Variants in CNBD1 observed in about 807,000 individuals in gnomAD.
The protein encoded by CNBD1 is cyclic nucleotide-binding domain-containing protein 1.
Under a neutral mutation model 54.4 loss-of-function variants are expected in CNBD1, and 71 were observed. The ratio of observed to expected loss-of-function variants is 1.30; its 90% CI spans 1.08 to 1.59. The LOEUF (loss-of-function observed/expected upper bound fraction) is 1.59, where lower values mean the gene tolerates loss of function less well. Among genes scored for constraint, CNBD1 ranks in the 40% most tolerant of loss-of-function variants. CNBD1 has a pLI of 0.00. For missense variants in CNBD1, 659 were observed against 518.0 expected (o/e 1.27, Z -2.64); for synonymous variants, 182 against 170.7 (o/e 1.07, Z -0.51).
chr8:86,894,155 G>A (rs1808815306), intron 2 of CNBD1, among the ~76,000 whole-genome samples: 1 of 131,686 alleles, frequency 7.6e-6, no homozygotes, highest in Admixed American at 9.1e-5. Flanking sequence ...TCCGCTTCCC[G>A]GGTTCACGCC....
intron 2 of CNBD1, among the ~76,000 whole-genome samples, chr8:87,399,546 G>A (rs1807509510): frequency 6.6e-6 from 1 of 151,952 alleles, no homozygotes; most frequent in Admixed American, 6.6e-5. Flanking sequence ...AGTTATCCTG[G>A]ATAATTTATG....
chr8:87,103,936 C>T (rs933932452), intron 4 of CNBD1, among the ~76,000 whole-genome samples: 5 of 152,212 alleles, frequency 3.3e-5, no homozygotes, highest in African/African-American at 1.2e-4. Context: ...ATACAAGAGT[C>T]AAGGGAAATG....
At chr8:87,423,830 G>A (rs1369027217) in intron 2 of CNBD1, among the ~76,000 whole-genome samples, 2 of 152,068 alleles carry the variant, frequency 1.3e-5, no homozygotes, top group East Asian at 1.9e-4. Flanking sequence ...TCTATTGATT[G>A]GAATAATTTC....
chr8:87,298,646 G>A (rs1294775737), intron 8 of CNBD1, among the ~76,000 whole-genome samples: 1 of 151,780 alleles, frequency 6.6e-6, no homozygotes, highest in Non-Finnish European at 1.5e-5. Flanking sequence ...CATGAAGCCT[G>A]GCTAATTTTT....
At chr8:87,213,507 G>T (rs767101968) in intron 5 of CNBD1, among the ~76,000 whole-genome samples, 1 of 152,164 alleles carries the variant, frequency 6.6e-6, no homozygotes, top group African/African-American at 2.4e-5. Context: ...AGACCCAAGT[G>T]AAAGGAGAAA....
intron 10 of CNBD1, among the ~76,000 whole-genome samples, chr8:87,380,420 C>A (rs1033910739): frequency 6.6e-6 from 1 of 151,904 alleles, no homozygotes; most frequent in East Asian, 1.9e-4. Context: ...ATTACTGTAG[C>A]TTTGTAAGGT....
chr8:87,302,726 T>A (rs2130883673), intron 8 of CNBD1, among the ~76,000 whole-genome samples: 1 of 152,022 alleles, frequency 6.6e-6, no homozygotes, highest in East Asian at 1.9e-4. Flanking sequence ...TGATTGTATA[T>A]TTAGAAAACC....
At chr8:87,377,302 C>A (rs1427448280) in intron 10 of CNBD1, among the ~76,000 whole-genome samples, 1 of 148,884 alleles carries the variant, frequency 6.7e-6, no homozygotes, top group Non-Finnish European at 1.5e-5. Context: ...TCCCTCCCCC[C>A]TCCCCACACC....
At chr8:87,218,608 T>A (rs1814263348) in intron 5 of CNBD1, among the ~76,000 whole-genome samples, 1 of 152,070 alleles carries the variant, frequency 6.6e-6, no homozygotes, top group Non-Finnish European at 1.5e-5. Context: ...TTCAATGTTA[T>A]TGAGAATTTT....
At chr8:87,381,534 A>G (rs902181819) in intron 10 of CNBD1, among the ~76,000 whole-genome samples, 1 of 152,030 alleles carries the variant, frequency 6.6e-6, no homozygotes, top group African/African-American at 2.4e-5. Context: ...ATATTTTCTA[A>G]AGGAATTTAA....
chr8:87,338,356 G>A (rs192933090), intron 8 of CNBD1, among the ~76,000 whole-genome samples: 15 of 152,012 alleles, frequency 9.9e-5, no homozygotes, highest in Admixed American at 8.5e-4. Context: ...TTCTTGCAAG[G>A]CAGGTCTGAC....
rs549925780 is a variant in CNBD1, at chr8:86,994,516, T to A, written c.431+54762T>A. ...AAAGGCCTCTGGCTCCATCTGTCTC[T>A]GCCTACTCTCTGGGAAGATTAGCCT... On this transcript the variant is annotated intron_variant, in intron 4 of 10. Transcript: ENST00000518476. Among the ~76,000 whole-genome samples, 25 of 152,350 alleles carry A rather than the reference T, an allele frequency of 1.6e-4. No homozygotes were observed. In the South Asian group the frequency reaches 5.0e-3, roughly 30 times the overall value.
At chr8:87,378,027 G>C (rs1364402105) in intron 10 of CNBD1, among the ~76,000 whole-genome samples, 1 of 135,692 alleles carries the variant, frequency 7.4e-6, no homozygotes, top group African/African-American at 2.8e-5. Context: ...AAATTTGTTT[G>C]AGTTCATTGT....
intron 8 of CNBD1, among the ~76,000 whole-genome samples, chr8:87,344,108 A>G (rs1810121778): frequency 6.6e-6 from 1 of 152,102 alleles, no homozygotes; most frequent in Non-Finnish European, 1.5e-5. Flanking sequence ...AATTTTTAAA[A>G]TAAAATGTGT....
chr8:87,423,662 G>T (rs1444942363), intron 2 of CNBD1, among the ~76,000 whole-genome samples: 3 of 148,724 alleles, frequency 2.0e-5, no homozygotes, highest in Non-Finnish European at 4.5e-5. Flanking sequence ...TTGATATGCT[G>T]CTGGATTCGG....
At chr8:86,943,183 C>G (rs1807377298) in intron 4 of CNBD1, among the ~76,000 whole-genome samples, 1 of 151,334 alleles carries the variant, frequency 6.6e-6, no homozygotes, top group African/African-American at 2.4e-5. Flanking sequence ...GAGATGGAAA[C>G]CATCCTGGCC....
At chr8:87,428,524 G>A in intron 2 of CNBD1, 3 of 431,814 alleles carry the variant, frequency 6.9e-6, no homozygotes, top group South Asian at 5.1e-5. Context: ...TATTCTAAGT[G>A]TTTTCTTCTG....
chr8:87,334,960 A>G (rs553279317), intron 8 of CNBD1, among the ~76,000 whole-genome samples: 2 of 151,938 alleles, frequency 1.3e-5, no homozygotes, highest in South Asian at 2.1e-4. Flanking sequence ...TCTTGACCTC[A>G]TGATCCACCC....
intron 8 of CNBD1, among the ~76,000 whole-genome samples, chr8:87,335,207 G>T (rs1181963809): frequency 1.3e-5 from 2 of 152,076 alleles, no homozygotes; most frequent in East Asian, 1.9e-4. Context: ...AGTTCTGTAG[G>T]TATCTATTAG....
Sources: allele counts gnomAD v4.1 joint callset (sites outside exome capture counted in the v4.1 genomes callset), GRCh38; gene constraint gnomAD v4.1.1; transcripts MANE v1.5; gene names NCBI Gene and HGNC (gene_info 2026-07-23, HGNC 2026-07-21).